ANO10: variants seen among roughly 807,000 people sequenced by gnomAD.
ANO10 encodes anoctamin 10, also known as anoctamin-10.
In ANO10, 77 loss-of-function variants were observed where a neutral mutation model predicts 74.7. The ratio of observed to expected loss-of-function variants is 1.03; its 90% CI spans 0.86 to 1.25. The LOEUF is 1.25. Among genes scored for constraint, ANO10 ranks in the 50% most tolerant of loss-of-function variants. The pLI is 0.00. For missense variants in ANO10, 721 were observed against 778.1 expected, an observed-to-expected ratio of 0.93 and a Z score of 0.87; for synonymous variants, 279 against 284.9, an observed-to-expected ratio of 0.98 and a Z score of 0.21.
At chr3:43,675,704 C>G (rs900223634) in intron 1 of ANO10, among the ~76,000 whole-genome samples, 1 of 152,094 alleles carries the variant, frequency 6.6e-6, no homozygotes, top group African/African-American at 2.4e-5. Flanking sequence ...CCCATCACTA[C>G]ACACCCATCA....
chr3:43,470,528 A>G (rs2075808666), intron 11 of ANO10, among the ~76,000 whole-genome samples: 1 of 152,014 alleles, frequency 6.6e-6, no homozygotes, highest in Non-Finnish European at 1.5e-5. Context: ...TATTTTTAGT[A>G]GAGACGGGGT....
intron 4 of ANO10, among the ~76,000 whole-genome samples, chr3:43,588,555 T>A (rs2081580856): frequency 9.7e-6 from 1 of 102,974 alleles, no homozygotes; most frequent in South Asian, 3.8e-4. Flanking sequence ...TTAGTATAAA[T>A]TTACTTAGTA....
chr3:43,605,109 T>C (rs1221643879), intron 2 of ANO10, among the ~76,000 whole-genome samples: 1 of 152,164 alleles, frequency 6.6e-6, no homozygotes, highest in Non-Finnish European at 1.5e-5. Context: ...GGAACCCATG[T>C]CACCTGTCAA....
chr3:43,599,140 T>C (rs2082223056), intron 3 of ANO10, among the ~76,000 whole-genome samples: 1 of 152,242 alleles, frequency 6.6e-6, no homozygotes, highest in African/African-American at 2.4e-5. Context: ...GAAAGTCTTT[T>C]AAGAAAATGT....
intron 11 of ANO10, among the ~76,000 whole-genome samples, chr3:43,488,726 T>G (rs969289844): frequency 7.2e-5 from 11 of 152,080 alleles, no homozygotes; most frequent in South Asian, 4.1e-4. Flanking sequence ...TTGGTGGGAC[T>G]GTAAACTAGT....
chr3:43,372,000 G>A (rs2091629390), intron 12 of ANO10, among the ~76,000 whole-genome samples: 1 of 152,226 alleles, frequency 6.6e-6, no homozygotes, highest in Admixed American at 6.5e-5. Flanking sequence ...GGGGCAGGAA[G>A]GTGCTTGCAG....
chr3:43,484,555 G>A (rs1165979280), intron 11 of ANO10, among the ~76,000 whole-genome samples: 1 of 152,160 alleles, frequency 6.6e-6, no homozygotes, highest in African/African-American at 2.4e-5. Context: ...TTCAGGGTCT[G>A]CTGTCATGTG....
chr3:43,633,531 T>C (rs1010850604), intron 1 of ANO10, among the ~76,000 whole-genome samples: 8 of 152,184 alleles, frequency 5.3e-5, no homozygotes, highest in African/African-American at 1.9e-4. Context: ...AATAAAGCCA[T>C]TGAAGTAATA....
intron 1 of ANO10, chr3:43,636,593 C>A (rs907563363): frequency 3.3e-5 from 5 of 152,262 alleles, no homozygotes; most frequent in Non-Finnish European, 7.4e-5. Context: ...AAGAAGACAT[C>A]CTTCAAAACA....
At chr3:43,376,518 G>A (rs2091811752) in intron 12 of ANO10, among the ~76,000 whole-genome samples, 1 of 152,104 alleles carries the variant, frequency 6.6e-6, no homozygotes, top group Non-Finnish European at 1.5e-5. Context: ...AATTATATAC[G>A]AAAGCTACAA....
At chr3:43,409,489 A>G (rs1352200048) in intron 12 of ANO10, among the ~76,000 whole-genome samples, 2 of 151,864 alleles carry the variant, frequency 1.3e-5, no homozygotes, top group African/African-American at 4.8e-5. Flanking sequence ...GTTTGCAGTG[A>G]GCCAAGACTG....
chr3:43,535,579 G>A (rs1293349459), intron 11 of ANO10, among the ~76,000 whole-genome samples: 3 of 152,058 alleles, frequency 2.0e-5, no homozygotes, highest in Non-Finnish European at 4.4e-5. Context: ...TGGCCTCCTA[G>A]ACATTCTTAA....
chr3:43,690,888 G>T (rs1463826174), intron 1 of ANO10: 40 of 1,290,856 alleles, frequency 3.1e-5, no homozygotes, highest in Non-Finnish European at 3.0e-5. Context: ...GAAGACGCAT[G>T]CGCTGGCGGC....
At chr3:43,430,542 C>A (rs2092965295) in intron 12 of ANO10, among the ~76,000 whole-genome samples, 1 of 151,932 alleles carries the variant, frequency 6.6e-6, no homozygotes, top group Non-Finnish European at 1.5e-5. Flanking sequence ...ACAAATAATC[C>A]TTCTTTTTTC....
chr3:43,644,845 G>A (rs1179276179), intron 1 of ANO10, among the ~76,000 whole-genome samples: 1 of 152,204 alleles, frequency 6.6e-6, no homozygotes, highest in Non-Finnish European at 1.5e-5. Flanking sequence ...CTGGCACCCT[G>A]GGTGTTTCAC....
intron 11 of ANO10, among the ~76,000 whole-genome samples, chr3:43,468,086 C>T (rs145986471): frequency 9.2e-5 from 14 of 152,256 alleles, no homozygotes; most frequent in African/African-American, 3.4e-4. Flanking sequence ...CCTTTCAATC[C>T]ACAAGCTATT....
At chr3:43,433,183 G>T in intron 11 of ANO10, among the ~76,000 whole-genome samples, 1 of 151,880 alleles carries the variant, frequency 6.6e-6, no homozygotes, top group Non-Finnish European at 1.5e-5. Context: ...CTGACCTCAG[G>T]TGATCCACCC....
intron 1 of ANO10, among the ~76,000 whole-genome samples, chr3:43,613,871 A>C (rs940843427): frequency 6.6e-6 from 1 of 152,218 alleles, no homozygotes; most frequent in Non-Finnish European, 1.5e-5. Context: ...TAGCAGAAGC[A>C]AGCATGCATC....
chr3:43,631,676 A>G (rs2083548690), intron 1 of ANO10, among the ~76,000 whole-genome samples: 1 of 151,800 alleles, frequency 6.6e-6, no homozygotes, highest in Non-Finnish European at 1.5e-5. Flanking sequence ...TGGAAATTCC[A>G]TGATTCTACA....
Sources: allele counts gnomAD v4.1 joint callset (sites outside exome capture counted in the v4.1 genomes callset), GRCh38; gene constraint gnomAD v4.1.1; transcripts MANE v1.5; gene names NCBI Gene and HGNC (gene_info 2026-07-23, HGNC 2026-07-21).